The following VPS13B variants were observed in gnomAD, a reference collection of about 807,000 sequenced individuals.
VPS13B encodes intermembrane lipid transfer protein VPS13B.
VPS13B carries 285 observed loss-of-function variants against 426.4 expected under a neutral mutation model. The observed-to-expected ratio is 0.67, with a 90% CI of 0.61 to 0.74. The LOEUF (loss-of-function observed/expected upper bound fraction) is 0.74. Among genes scored for constraint, VPS13B ranks in the 30% least tolerant of loss-of-function variants. The pLI is 0.00. For missense variants in VPS13B, 4,537 were observed against 4,782.6 expected, an observed-to-expected ratio of 0.95 and a Z score of 1.51; for synonymous variants, 1,676 against 1,676.4, an observed-to-expected ratio of 1.00 and a Z score of 0.01.
chr8:99,029,538 G>A (rs928388595), intron 2 of VPS13B, among the ~76,000 whole-genome samples: 1 of 152,118 alleles, frequency 6.6e-6, no homozygotes, highest in Admixed American at 6.5e-5. Flanking sequence ...TTGGGAGGCC[G>A]AGGCTGGTGG....
chr8:99,875,391 C>T, intron 61 of VPS13B, 27 bp from the exon 62 acceptor site: 2 of 1,614,084 alleles, frequency 1.2e-6, no homozygotes, highest in Non-Finnish European at 1.7e-6. Context: ...GGTCTGGCAA[C>T]TAATCTTTAT....
intron 61 of VPS13B, among the ~76,000 whole-genome samples, chr8:99,872,226 G>A (rs1038832624): frequency 6.6e-6 from 1 of 152,152 alleles, no homozygotes; most frequent in African/African-American, 2.4e-5. Flanking sequence ...GAAGCAAGGG[G>A]CATCATGAAA....
intron 35 of VPS13B, among the ~76,000 whole-genome samples, chr8:99,661,890 A>C (rs1320653165): frequency 2.0e-5 from 3 of 152,174 alleles, no homozygotes; most frequent in Non-Finnish European, 4.4e-5. Context: ...TATATACATA[A>C]GATAGTATAC....
intron 2 of VPS13B, among the ~76,000 whole-genome samples, chr8:99,026,948 C>T (rs1344496571): frequency 6.6e-6 from 1 of 152,150 alleles, no homozygotes; most frequent in Non-Finnish European, 1.5e-5. Context: ...GCAATCTTGG[C>T]TCACTGCAAA....
intron 35 of VPS13B, among the ~76,000 whole-genome samples, chr8:99,693,268 T>C (rs1411188098): frequency 2.7e-5 from 4 of 149,862 alleles, no homozygotes; most frequent in African/African-American, 4.9e-5. Context: ...ACCAATATCC[T>C]TGATGAACAT....
At chr8:99,535,282 TAA>T (rs1477716522) in intron 30 of VPS13B, among the ~76,000 whole-genome samples, 2 of 152,198 alleles carry the variant, frequency 1.3e-5, no homozygotes, top group Non-Finnish European at 2.9e-5. Context: ...ATTTAAACAA[TAA>T]GTCTTAAATA....
intron 17 of VPS13B, among the ~76,000 whole-genome samples, chr8:99,202,501 A>T (rs1814390058): frequency 6.6e-6 from 1 of 152,222 alleles, no homozygotes; most frequent in African/African-American, 2.4e-5. Context: ...GCCAGAAAGA[A>T]GTCAAATCCA....
intron 21 of VPS13B, among the ~76,000 whole-genome samples, chr8:99,428,243 T>TA (rs1816847267): frequency 6.6e-6 from 1 of 152,102 alleles, no homozygotes; most frequent in African/African-American, 2.4e-5. Flanking sequence ...TCTTTATGTC[T>TA]AAAACACCAA....
intron 39 of VPS13B, among the ~76,000 whole-genome samples, chr8:99,721,456 C>A (rs1252824366): frequency 6.6e-6 from 1 of 152,104 alleles, no homozygotes; most frequent in Non-Finnish European, 1.5e-5. Context: ...TTTTCATTTC[C>A]ATAGCTGAAA....
chr8:99,294,516 T>G (rs1216408232), intron 19 of VPS13B, among the ~76,000 whole-genome samples: 1 of 150,528 alleles, frequency 6.6e-6, no homozygotes, highest in Non-Finnish European at 1.5e-5. Flanking sequence ...AATGTGCACA[T>G]GTACCCTAAA....
intron 25 of VPS13B, among the ~76,000 whole-genome samples, chr8:99,498,741 GT>G (rs1821066907): frequency 1.3e-5 from 2 of 152,058 alleles, no homozygotes; most frequent in South Asian, 4.1e-4. Context: ...CTGTGTTTCA[GT>G]CTGAGTCATG....
At chr8:99,258,163 A>G (rs1040982296) in intron 17 of VPS13B, among the ~76,000 whole-genome samples, 4 of 151,616 alleles carry the variant, frequency 2.6e-5, no homozygotes, top group African/African-American at 9.7e-5. Context: ...TTTAACCAAT[A>G]AATTTTAGAG....
chr8:99,676,376 A>G (rs1036252064), intron 35 of VPS13B, among the ~76,000 whole-genome samples: 1 of 152,086 alleles, frequency 6.6e-6, no homozygotes, highest in Non-Finnish European at 1.5e-5. Flanking sequence ...CATAGGGGCT[A>G]TGGGATCCTG....
intron 56 of VPS13B, among the ~76,000 whole-genome samples, chr8:99,858,706 C>T (rs557053022): frequency 2.3e-4 from 35 of 152,192 alleles, no homozygotes; most frequent in African/African-American, 8.4e-4. Flanking sequence ...ATGTCCCTGT[C>T]TCTGGTGTTT....
intron 23 of VPS13B, among the ~76,000 whole-genome samples, 179 bp from the exon 24 acceptor site, chr8:99,467,235 T>C (rs1819157659): frequency 6.6e-6 from 1 of 152,206 alleles, no homozygotes; most frequent in African/African-American, 2.4e-5. Context: ...ATATAATTAC[T>C]GACAGAATTT....
chr8:99,780,128 T>C lies in VPS13B; in HGVS notation c.7779+1097T>C, dbSNP rs1250980107. On this transcript the variant is annotated intron_variant, in intron 42 of 61. Coordinates refer to ENST00000357162, the MANE Select transcript of VPS13B (RefSeq NM_152564.5). ...AAAAATATTTTTTAAGGGCATTCCA[T>C]GGTTTTCTTGTTGCAAAGGACATGC... Among the ~76,000 whole-genome samples the C allele has an allele frequency of 2.6e-5, 4 of 152,258 alleles. No individual in the cohort carries two copies. In the East Asian group the frequency reaches 5.8e-4, roughly 22 times the overall value.
intron 29 of VPS13B, among the ~76,000 whole-genome samples, chr8:99,518,866 T>A (rs1163463880): frequency 6.6e-6 from 1 of 152,240 alleles, no homozygotes; most frequent in African/African-American, 2.4e-5. Flanking sequence ...ATGGATTGTA[T>A]GCCTTTGTAG....
chr8:99,801,569 T>C (rs1005959435), intron 43 of VPS13B, among the ~76,000 whole-genome samples: 8 of 152,288 alleles, frequency 5.3e-5, no homozygotes, highest in East Asian at 1.9e-4. Flanking sequence ...ATTACTGTCA[T>C]CTTTTGTTCT....
chr8:99,767,691 G>A (rs1425153147), intron 40 of VPS13B, among the ~76,000 whole-genome samples: 1 of 152,126 alleles, frequency 6.6e-6, no homozygotes, highest in Non-Finnish European at 1.5e-5. Flanking sequence ...CACTTTGGAA[G>A]GCTAAGGCGG....
Sources: allele counts gnomAD v4.1 joint callset (sites outside exome capture counted in the v4.1 genomes callset), GRCh38; gene constraint gnomAD v4.1.1; transcripts MANE v1.5; gene names NCBI Gene and HGNC (gene_info 2026-07-23, HGNC 2026-07-21).